The following RNF19B variants were observed in gnomAD, a reference collection of about 807,000 sequenced individuals.
RNF19B encodes ring finger protein 19B, also known as E3 ubiquitin-protein ligase RNF19B.
Under a neutral mutation model 65.5 loss-of-function variants are expected in RNF19B, and 23 were observed. That is an observed-to-expected ratio of 0.35 (90% CI 0.25 to 0.50). The LOEUF (loss-of-function observed/expected upper bound fraction) is 0.50, where lower values mean the gene tolerates loss of function less well. Ranked by LOEUF, RNF19B falls within the 20% of genes least tolerant of loss-of-function variation. RNF19B has a pLI of 0.98. For synonymous variants in RNF19B, 372 were observed against 379.6 expected (o/e 0.98, Z 0.23); for missense variants, 794 against 980.0 (o/e 0.81, Z 2.53).
intron 6 of RNF19B, 35 bp downstream of exon 6, chr1:32,943,984 T>C (rs759215009): frequency 1.1e-5 from 17 of 1,582,094 alleles, no homozygotes; most frequent in Middle Eastern, 3.4e-4. Context: ...TTGTATATCA[T>C]AAATTCAAAT....
chr1:32,964,512 G>T lies in RNF19B; in HGVS notation c.174C>A (p.Pro58=). The change falls in exon 1 of 9, where the codon CCC becomes CCA. Residue 58 remains proline (P), a synonymous_variant. Coordinates refer to ENST00000235150, the MANE Select transcript of RNF19B (RefSeq NM_001300826.2). The surrounding 1 kb of genome is among the most constrained non-coding windows in gnomAD (Gnocchi z 6.5). The part of the protein sequence containing the change: ...ARAKPQAEPP[P]PAAQPPPAPA... ...GGGCGGGCGGCGGCTGCGCAGCCGG[G>T]GGCGGCGGCTCGGCCTGCGGCTTGG... is the stretch of plus-strand genomic sequence containing the variant. The T allele has an allele frequency of 2.1e-6, 2 of 971,792 alleles. No individual in the cohort carries two copies. The highest frequency in any genetic ancestry group is 1.2e-6 in the Non-Finnish European group (1 of 816,822). The allele number at this position is 971,792 out of a possible 1,614,324, so 60.2% of individuals were successfully genotyped here. A position where few individuals can be genotyped will look rare whatever the true frequency, so the allele number is the denominator to read the frequency against.
intron 1 of RNF19B, among the ~76,000 whole-genome samples, chr1:32,955,576 A>C (rs1642616821): frequency 6.6e-6 from 1 of 151,916 alleles, no homozygotes; most frequent in Non-Finnish European, 1.5e-5. Context: ...CAAAAAAAAA[A>C]AATACAAAAA....
chr1:32,948,476 C>G, intron 2 of RNF19B, 113 bp from the exon 3 acceptor site: 1 of 1,089,904 alleles, frequency 9.2e-7, no homozygotes, highest in Non-Finnish European at 1.3e-6. Context: ...AAGAACTCTT[C>G]ACTGAACACT....
chr1:32,937,135 C>A lies in RNF19B; in HGVS notation c.1867G>T (p.Glu623Ter). Residue 623 changes from glutamate (E) to a stop codon, truncating the protein, a stop_gained, in exon 9 of 9, where the codon GAA becomes TAA. Transcript: ENST00000235150. LOFTEE classifies it high-confidence loss of function. Reference sequence around the variant, plus strand: ...TCACTGCCTCCGCCACCACTACCTTCTTCTTCATTCTCTGCCATCTGAGCA... The same window carrying A: ...TCACTGCCTCCGCCACCACTACCTTATTCTTCATTCTCTGCCATCTGAGCA... ...VHAQMAENEE[E>*]GSGGGGSEED... is the part of the protein sequence containing the mutation. 6.2e-7 allele frequency: 1 copy of A among 1,614,222 alleles called. No homozygotes were observed. Among genetic ancestry groups the A allele is most frequent in the Non-Finnish European group, 8.5e-7 (1 of 1,180,032 alleles).
chr1:32,963,716 TC>T (rs1462805194), intron 1 of RNF19B, among the ~76,000 whole-genome samples: 4 of 134,318 alleles, frequency 3.0e-5, no homozygotes, highest in Non-Finnish European at 6.3e-5. Flanking sequence ...AGACTCCGTC[TC>T]CAAAAAAAAA....
At chr1:32,963,905 C>G in intron 1 of RNF19B, 146 bp downstream of exon 1, 1 of 1,302,096 alleles carries the variant, frequency 7.7e-7, no homozygotes, top group South Asian at 1.9e-5. Flanking sequence ...CACCACTAGT[C>G]TGGGCTTGCC....
At chr1:32,933,476 C>T (rs566581737), downstream of RNF19B, among the ~76,000 whole-genome samples, 17 of 152,012 alleles carry the variant, frequency 1.1e-4, no homozygotes, top group South Asian at 1.5e-3. Context: ...AGGATGGTCT[C>T]GATCTCCCGA....
intron 6 of RNF19B, among the ~76,000 whole-genome samples, chr1:32,942,940 A>C (rs899589769): frequency 4.6e-5 from 7 of 152,048 alleles, no homozygotes; most frequent in Admixed American, 3.9e-4. Context: ...GGAGATGGAG[A>C]CCATCCTGGC....
rs1570096378 is a variant in RNF19B at position 32,946,452 on chromosome 1, T to C, written c.1096A>G (p.Ile366Val). 1.9e-6 allele frequency: 3 copies of C among 1,614,148 alleles called. No individual in the cohort carries two copies. Among genetic ancestry groups the C allele is most frequent in the Non-Finnish European group, 2.5e-6 (3 of 1,180,002 alleles). ...CCAATGACCATGGCAGGAATGGCAA[T>C]GCCAGCAATGAGAGAAATCCCCACT... ...APVGISLIAGIAIPAMVIGIP... is the reference protein window; with the variant it reads ...APVGISLIAGVAIPAMVIGIP... The change falls in exon 4 of 9, where the codon ATT becomes GTT. Residue 366 changes from isoleucine to valine, a missense_variant. Physicochemically the swap from Ile to Val is conservative, Grantham distance 29. This residue lies in a region of RNF19B where 52 missense variants were observed against 108.8 expected (regional missense o/e 0.48). Transcript: ENST00000235150.
Position 32,964,613 on chromosome 1 carries a change from G to A in RNF19B, c.73C>T (p.Arg25Cys). ...AGGCGCCGGCGCCGGCCGCCGCTGC[G>A]GCACTTAGGGTCGGGTGCGGCCGCA... is the stretch of plus-strand genomic sequence containing the variant. ...LHAAAPDPKC[R>C]SGGRRRRLTL... Residue 25 changes from arginine to cysteine, a missense_variant, in exon 1 of 9, where the codon CGC becomes TGC. Transcript: ENST00000235150. The surrounding 1 kb of genome is among the most constrained non-coding windows in gnomAD (Gnocchi z 6.5). 12 of 1,464,246 alleles carry A rather than the reference G, an allele frequency of 8.2e-6. No individual in the cohort carries two copies. The highest frequency in any genetic ancestry group is 6.2e-5 in the East Asian group (2 of 32,236). 90.7% of individuals were successfully genotyped at this position (1,464,246 alleles called of 1,614,324 possible). A position where few individuals can be genotyped will look rare whatever the true frequency, so the allele number is the denominator to read the frequency against.
At chr1:32,954,614 C>T (rs1642590198) in intron 1 of RNF19B, among the ~76,000 whole-genome samples, 1 of 151,592 alleles carries the variant, frequency 6.6e-6, no homozygotes, top group African/African-American at 2.4e-5. Context: ...TGGCGCATGC[C>T]TGTAATCCAG....
At chr1:32,934,482 A>G (rs1364542266), downstream of RNF19B, among the ~76,000 whole-genome samples, 1 of 152,048 alleles carries the variant, frequency 6.6e-6, no homozygotes, top group Non-Finnish European at 1.5e-5. Context: ...GGAGTTCTAG[A>G]CCAGCCTGGC....
intron 1 of RNF19B, among the ~76,000 whole-genome samples, chr1:32,950,908 C>A (rs191579938): frequency 6.8e-6 from 1 of 147,790 alleles, no homozygotes; most frequent in Non-Finnish European, 1.5e-5. Context: ...TGGCGCGACT[C>A]GGCTCACTGC....
At chr1:32,929,611 G>A in the RNF19B span, among the ~76,000 whole-genome samples, 2 of 152,144 alleles carry the variant, frequency 1.3e-5, no homozygotes, top group Admixed American at 6.5e-5. Flanking sequence ...TGGGGAAAAC[G>A]AGAAGATTTA....
intron 1 of RNF19B, among the ~76,000 whole-genome samples, chr1:32,959,094 C>T (rs573092000): frequency 6.6e-6 from 1 of 152,222 alleles, no homozygotes; most frequent in African/African-American, 2.4e-5. Context: ...CTTGATCTTC[C>T]CTCATAAATG....
rs149997592 is a variant in RNF19B at position 32,953,004 on chromosome 1, G to A, written c.636-3230C>T. 4.4e-3 allele frequency among the ~76,000 whole-genome samples: 537 copies of A among 122,474 alleles called. 3 individuals are homozygous for A. The highest frequency in any genetic ancestry group is 7.0e-3 in the Non-Finnish European group (430 of 61,084). 80.3% of individuals were successfully genotyped at this position (122,474 alleles called of 152,430 possible). On this transcript the variant is annotated intron_variant, in intron 1 of 8. Transcript: ENST00000235150. ...TTTTTTGAAGACAAGGTCCCACTCT[G>A]TTGCCCAGCTTCTGGACAGTGGTGT...
chr1:32,951,159 T>A (rs1385023984), intron 1 of RNF19B, among the ~76,000 whole-genome samples: 1 of 152,206 alleles, frequency 6.6e-6, no homozygotes, highest in Non-Finnish European at 1.5e-5. Flanking sequence ...TTTCTTCAAG[T>A]AAAAATTGTT....
chr1:32,942,700 G>A (rs1642265072), intron 6 of RNF19B, among the ~76,000 whole-genome samples: 1 of 152,146 alleles, frequency 6.6e-6, no homozygotes, highest in African/African-American at 2.4e-5. Flanking sequence ...ACTTGTCCAA[G>A]GCCATGGTAG....
At chr1:32,932,411 A>C (rs1642038240), downstream of RNF19B, among the ~76,000 whole-genome samples, 1 of 152,172 alleles carries the variant, frequency 6.6e-6, no homozygotes, top group South Asian at 2.1e-4. Context: ...ATAACCCCTG[A>C]ATCACTCCTC....
Sources: allele counts gnomAD v4.1 joint callset (sites outside exome capture counted in the v4.1 genomes callset), GRCh38; gene constraint gnomAD v4.1.1; regional missense constraint gnomAD v4.1.1; non-coding constraint Gnocchi (gnomAD v3.1); transcripts MANE v1.5; gene names NCBI Gene and HGNC (gene_info 2026-07-23, HGNC 2026-07-21).